Variants in AAK1 observed in about 807,000 individuals in gnomAD.
AAK1 encodes the protein AP2-associated protein kinase 1.
A neutral mutation model predicts 116.0 loss-of-function variants in AAK1; 37 were observed. That is an observed-to-expected ratio of 0.32 (90% CI 0.25 to 0.42). AAK1 has a LOEUF of 0.42. Ranked by LOEUF, AAK1 falls within the 10% of genes least tolerant of loss-of-function variation. The pLI is 1.00. For missense variants in AAK1, 919 were observed against 1,170.6 expected, an observed-to-expected ratio of 0.79 and a Z score of 3.14; for synonymous variants, 458 against 439.9, an observed-to-expected ratio of 1.04 and a Z score of -0.51.
intron 2 of AAK1, among the ~76,000 whole-genome samples, chr2:69,632,241 A>G (rs1056970369): frequency 6.6e-6 from 1 of 152,240 alleles, no homozygotes; most frequent in African/African-American, 2.4e-5. Flanking sequence ...CTTTACCAAC[A>G]GAAGACCAGA....
chr2:69,604,467 G>A (rs112623664), intron 2 of AAK1, among the ~76,000 whole-genome samples: 78 of 152,196 alleles, frequency 5.1e-4, no homozygotes, highest in Middle Eastern at 3.4e-3. Flanking sequence ...TCTAGGGCAC[G>A]ACACCTCCAA....
chr2:69,586,481 G>A lies in AAK1; in HGVS notation c.164-29503C>T, dbSNP rs550208943. The stretch of plus-strand genomic sequence containing the variant: ...CAAAAGGCTTAAAAACACAAAAGAC[G>A]TCAGGAAACCTGGGTTCCAATTGTG... On this transcript the variant is annotated intron_variant, in intron 2 of 21. Coordinates refer to ENST00000409085, the MANE Select transcript of AAK1 (RefSeq NM_014911.5). Among the ~76,000 whole-genome samples the A allele has an allele frequency of 5.3e-5, 8 of 152,304 alleles. 1 individual carries two copies. The highest frequency in any genetic ancestry group is 1.9e-4 in the East Asian group (1 of 5,190).
At chr2:69,511,398 C>T (rs546783803) in intron 13 of AAK1, among the ~76,000 whole-genome samples, 9 of 152,320 alleles carry the variant, frequency 5.9e-5, no homozygotes, top group Non-Finnish European at 1.0e-4. Context: ...ATATAAGGTT[C>T]TAATATCAAT....
chr2:69,633,891 C>T (rs1048231662), intron 2 of AAK1, among the ~76,000 whole-genome samples: 3 of 152,126 alleles, frequency 2.0e-5, no homozygotes, highest in South Asian at 4.1e-4. Context: ...ATGAGAGGGC[C>T]GGGCACAGTG....
intron 5 of AAK1, 107 bp downstream of exon 5, chr2:69,542,416 G>C: frequency 7.4e-7 from 1 of 1,343,434 alleles, no homozygotes; most frequent in East Asian, 2.4e-5. Context: ...ATAAAAACAG[G>C]GACCATATCT....
chr2:69,633,218 C>CAA lies in AAK1; in HGVS notation c.163+9658_163+9659dup, dbSNP rs199667063. Among the ~76,000 whole-genome samples, 286 of 106,032 alleles carry CAA rather than the reference C, an allele frequency of 2.7e-3. 1 individual carries two copies. Among genetic ancestry groups the CAA allele is most frequent in the Middle Eastern group, 0.015 (3 of 194 alleles). The allele number at this position is 106,032 out of a possible 152,430, so 69.6% of individuals were successfully genotyped here. On this transcript the variant is annotated intron_variant, in intron 2 of 21. Transcript: ENST00000409085. ...TGGGCAACAGAGTGAGACTCTGTTT[C>CAA]AAAAAAAAAAAAAGGCCCCAAGAAA...
chr2:69,544,439 T>C lies in AAK1; in HGVS notation c.388A>G (p.Arg130Gly). Residue 130 changes from arginine (R) to glycine (G), a missense_variant, in exon 4 of 22, where the codon AGA (arginine) becomes GGA (glycine). Arg to Gly is a moderately radical substitution (Grantham distance 125). Coordinates refer to ENST00000409085, the MANE Select transcript of AAK1 (RefSeq NM_014911.5). ...WEVLILMDFC[R>G]GGQVVNLMNQ... ...AGGGAATGGTTCATATACATACCTCTACAAAAGTCCATCAGAATGAGCACT... is the reference window on the plus strand; with the variant it reads ...AGGGAATGGTTCATATACATACCTCCACAAAAGTCCATCAGAATGAGCACT... 2 of 1,608,240 alleles carry C rather than the reference T, an allele frequency of 1.2e-6. No homozygotes were observed. Among genetic ancestry groups the C allele is most frequent in the Non-Finnish European group, 1.7e-6 (2 of 1,174,802 alleles).
chr2:69,642,794 A>G, intron 2 of AAK1, 84 bp downstream of exon 2: 1 of 1,582,922 alleles, frequency 6.3e-7, no homozygotes, highest in East Asian at 2.3e-5. Context: ...GTCAAAGCCC[A>G]TTCATACATG....
At chr2:69,530,842 A>C (rs1670225480) in intron 6 of AAK1, 136 bp from the exon 7 acceptor site, 1 of 639,332 alleles carries the variant, frequency 1.6e-6, no homozygotes. Flanking sequence ...ATGAAATATT[A>C]GTAGAGATAA....
chr2:69,557,006 T>C (rs948950436), intron 2 of AAK1, 28 bp from the exon 3 acceptor site: 1 of 1,562,812 alleles, frequency 6.4e-7, no homozygotes, highest in South Asian at 1.1e-5. Flanking sequence ...ACAAGCTCTT[T>C]TGAGTCAATG....
intron 17 of AAK1, among the ~76,000 whole-genome samples, chr2:69,491,992 G>A (rs1050909176): frequency 6.6e-6 from 1 of 152,114 alleles, no homozygotes; most frequent in Non-Finnish European, 1.5e-5. Context: ...TGTTTGGGGA[G>A]TGTGGGCAAT....
intron 2 of AAK1, among the ~76,000 whole-genome samples, chr2:69,574,264 G>A (rs1029759972): frequency 6.6e-6 from 1 of 151,688 alleles, no homozygotes; most frequent in African/African-American, 2.4e-5. Context: ...CCAGCTACTC[G>A]GGAGGCTGGG....
intron 3 of AAK1, among the ~76,000 whole-genome samples, chr2:69,556,635 C>T (rs1042948586): frequency 8.9e-5 from 13 of 146,744 alleles, no homozygotes; most frequent in African/African-American, 3.4e-4. Flanking sequence ...ACTTTTCTGA[C>T]CTAAAAACTG....
chr2:69,597,723 T>TC (rs1673362408), intron 2 of AAK1: 1 of 152,108 alleles, frequency 6.6e-6, no homozygotes, highest in Non-Finnish European at 1.5e-5. Context: ...AAAAAAAATT[T>TC]TTTTTTTAAA....
At chr2:69,599,158 G>T (rs943471207) in intron 2 of AAK1, among the ~76,000 whole-genome samples, 1 of 152,078 alleles carries the variant, frequency 6.6e-6, no homozygotes, top group Admixed American at 6.5e-5. Context: ...ATATTCAAAA[G>T]AATTAAATAT....
At chr2:69,530,779 T>A (rs1024184470) in intron 6 of AAK1, 73 bp from the exon 7 acceptor site, 1 of 1,188,488 alleles carries the variant, frequency 8.4e-7, no homozygotes, top group African/African-American at 1.5e-5. Context: ...GCAGAAATAC[T>A]TTTTTTCTTT....
intron 2 of AAK1, among the ~76,000 whole-genome samples, chr2:69,618,540 C>T (rs2105231747): frequency 6.6e-6 from 1 of 152,270 alleles, no homozygotes; most frequent in South Asian, 2.1e-4. Flanking sequence ...CCTGAGTTGA[C>T]TCCAAACCAT....
chr2:69,639,023 C>T (rs1163212359), intron 2 of AAK1, among the ~76,000 whole-genome samples: 2 of 152,188 alleles, frequency 1.3e-5, no homozygotes, highest in African/African-American at 4.8e-5. Context: ...TTGGTGATTT[C>T]ACACACATTT....
chr2:69,607,737 A>G (rs528787168), intron 2 of AAK1, among the ~76,000 whole-genome samples: 2 of 152,320 alleles, frequency 1.3e-5, no homozygotes, highest in African/African-American at 4.8e-5. Context: ...CTCTTCTCCA[A>G]CCCAATCAAT....
Sources: allele counts gnomAD v4.1 joint callset (sites outside exome capture counted in the v4.1 genomes callset), GRCh38; gene constraint gnomAD v4.1.1; transcripts MANE v1.5; gene names NCBI Gene and HGNC (gene_info 2026-07-23, HGNC 2026-07-21).